Variants in RBFOX1 observed in about 807,000 individuals in gnomAD.
The protein encoded by RBFOX1 is RNA binding fox-1 homolog 1, also known as RNA binding protein fox-1 homolog 1.
In RBFOX1, 8 loss-of-function variants were observed where a neutral mutation model predicts 57.7. The observed-to-expected ratio is 0.14, with a 90% CI of 0.08 to 0.25. The LOEUF is 0.25. RBFOX1 is among the 10% of genes least tolerant of loss of function. The probability of loss-of-function intolerance (pLI) is 1.00; values close to 1 mark genes in which losing one functional copy is unlikely to be tolerated. For synonymous variants in RBFOX1, 326 were observed against 222.4 expected (o/e 1.47, Z -4.15); for missense variants, 611 against 548.5 (o/e 1.11, Z -1.14).
chr16:6,658,505 C>T (rs1405300536), intron 3 of RBFOX1, among the ~76,000 whole-genome samples: 1 of 152,110 alleles, frequency 6.6e-6, no homozygotes, highest in Middle Eastern at 3.2e-3. Context: ...CCACACCCGG[C>T]CGAGAGCCCT....
At chr16:7,417,158 T>A (rs1477017873) in intron 4 of RBFOX1, among the ~76,000 whole-genome samples, 1 of 151,880 alleles carries the variant, frequency 6.6e-6, no homozygotes, top group Non-Finnish European at 1.5e-5. Flanking sequence ...TCATCTGAGG[T>A]CAGGAGTTTG....
chr16:6,161,071 A>G (rs1283796561), intron 1 of RBFOX1, among the ~76,000 whole-genome samples: 1 of 152,164 alleles, frequency 6.6e-6, no homozygotes, highest in African/African-American at 2.4e-5. Flanking sequence ...GCTTTAATAA[A>G]TCATTGTTAA....
intron 4 of RBFOX1, among the ~76,000 whole-genome samples, chr16:7,504,369 T>A (rs1235319309): frequency 1.3e-5 from 2 of 152,046 alleles, no homozygotes; most frequent in Admixed American, 1.3e-4. Context: ...ACGTGATTAA[T>A]CTACCTGGGT....
intron 4 of RBFOX1, among the ~76,000 whole-genome samples, chr16:7,065,501 G>T (rs2055759238): frequency 6.6e-6 from 1 of 152,118 alleles, no homozygotes; most frequent in South Asian, 2.1e-4. Flanking sequence ...CTAAGACGCT[G>T]ACCCTTTTTA....
At chr16:5,640,706 C>T (rs1376439949) in intron 3 of RBFOX1, among the ~76,000 whole-genome samples, 1 of 151,632 alleles carries the variant, frequency 6.6e-6, no homozygotes, top group East Asian at 1.9e-4. Flanking sequence ...CACACCTATG[C>T]ACACACGTAC....
intron 2 of RBFOX1, among the ~76,000 whole-genome samples, chr16:6,494,605 G>A (rs1204945204): frequency 6.6e-6 from 1 of 152,152 alleles, no homozygotes; most frequent in East Asian, 1.9e-4. Flanking sequence ...ATCTGGGTTG[G>A]CTTTGACCAT....
At chr16:6,757,289 C>T (rs939787910) in intron 3 of RBFOX1, among the ~76,000 whole-genome samples, 4 of 152,058 alleles carry the variant, frequency 2.6e-5, no homozygotes, top group Non-Finnish European at 4.4e-5. Flanking sequence ...AGCAAAATCC[C>T]ACTGTGGATA....
intron 2 of RBFOX1, among the ~76,000 whole-genome samples, chr16:5,595,796 A>T (rs1326923692): frequency 6.6e-6 from 1 of 152,184 alleles, no homozygotes; most frequent in African/African-American, 2.4e-5. Flanking sequence ...ATAGGGACAC[A>T]CGGGATTGGG....
At chr16:6,911,155 T>G (rs1320750737) in intron 3 of RBFOX1, among the ~76,000 whole-genome samples, 1 of 150,466 alleles carries the variant, frequency 6.6e-6, no homozygotes, top group African/African-American at 2.5e-5. Context: ...GAGCCGATAA[T>G]CGCACCATTG....
intron 1 of RBFOX1, among the ~76,000 whole-genome samples, chr16:6,291,816 A>T (rs2077494914): frequency 6.6e-6 from 1 of 152,348 alleles, no homozygotes; most frequent in East Asian, 1.9e-4. Flanking sequence ...GAAAGGTATT[A>T]GACCTGTCTC....
intron 5 of RBFOX1, among the ~76,000 whole-genome samples, chr16:7,572,334 G>C (rs923442092): frequency 3.3e-5 from 5 of 152,228 alleles, no homozygotes; most frequent in African/African-American, 1.2e-4. Context: ...CTCATGGTAA[G>C]GCTTAGTCAT....
At chr16:5,942,044 G>A (rs1426576269) in intron 4 of RBFOX1, among the ~76,000 whole-genome samples, 1 of 152,002 alleles carries the variant, frequency 6.6e-6, no homozygotes, top group African/African-American at 2.4e-5. Context: ...TCCTCCCCAT[G>A]TCCGTTGGCT....
chr16:7,294,698 G>C (rs554387755), intron 4 of RBFOX1, among the ~76,000 whole-genome samples: 1 of 152,048 alleles, frequency 6.6e-6, no homozygotes, highest in Admixed American at 6.6e-5. Context: ...GAAAAAGAAA[G>C]CTTGAAGATA....
At chr16:6,810,125 A>G (rs1360223190) in intron 3 of RBFOX1, among the ~76,000 whole-genome samples, 1 of 151,936 alleles carries the variant, frequency 6.6e-6, no homozygotes, top group African/African-American at 2.4e-5. Flanking sequence ...ACATTTACCA[A>G]CAAATATGCC....
chr16:5,500,147 T>TCCCTTCCTC (rs1199505014), intron 2 of RBFOX1, among the ~76,000 whole-genome samples: 3 of 128,008 alleles, frequency 2.3e-5, no homozygotes, highest in Non-Finnish European at 4.9e-5. Context: ...CTTCCCTCCT[T>TCCCTTCCTC]CCCTTCCTCC....
intron 4 of RBFOX1, among the ~76,000 whole-genome samples, chr16:7,412,266 T>G (rs543875158): frequency 6.6e-6 from 1 of 151,644 alleles, no homozygotes; most frequent in Non-Finnish European, 1.5e-5. Flanking sequence ...AATACAAAAA[T>G]TAGCCAGGCG....
intron 2 of RBFOX1, among the ~76,000 whole-genome samples, chr16:5,511,986 A>C (rs1033755366): frequency 6.6e-6 from 1 of 152,332 alleles, no homozygotes; most frequent in Admixed American, 6.5e-5. Flanking sequence ...CCCTGATAAA[A>C]TGTAAGGGAA....
intron 1 of RBFOX1, among the ~76,000 whole-genome samples, chr16:5,369,587 C>A (rs1023707072): frequency 6.6e-6 from 1 of 152,214 alleles, no homozygotes; most frequent in Non-Finnish European, 1.5e-5. Context: ...GGCATCATGC[C>A]CCACACGCTC....
chr16:6,600,439 G>A (rs1310537282), intron 2 of RBFOX1, among the ~76,000 whole-genome samples: 1 of 152,086 alleles, frequency 6.6e-6, no homozygotes, highest in Non-Finnish European at 1.5e-5. Flanking sequence ...CTGCACACTC[G>A]TGTTCATAGA....
Sources: gnomAD v4.1 joint callset for allele counts (sites outside exome capture counted in the v4.1 genomes callset) on GRCh38, gnomAD v4.1.1 for gene constraint, MANE v1.5 for transcripts, NCBI Gene and HGNC (gene_info 2026-07-23, HGNC 2026-07-21) for gene names.